Variants in CHGB observed in about 807,000 individuals in gnomAD.
The protein encoded by CHGB is secretogranin-1.
CHGB carries 46 observed loss-of-function variants against 69.9 expected under a neutral mutation model. That is an observed-to-expected ratio of 0.66 (90% CI 0.52 to 0.84). CHGB has a LOEUF of 0.84. CHGB is among the 40% of genes least tolerant of loss of function. CHGB has a pLI of 0.00. For missense variants in CHGB, 796 were observed against 822.2 expected (o/e 0.97, Z 0.39); for synonymous variants, 312 against 298.2 (o/e 1.05, Z -0.48).
intron 3 of CHGB, among the ~76,000 whole-genome samples, chr20:5,918,546 C>G (rs191286810): frequency 6.6e-6 from 1 of 152,104 alleles, no homozygotes; most frequent in Non-Finnish European, 1.5e-5. Context: ...GGCGCAGTGG[C>G]TCACACCTGT....
At chr20:5,921,044 A>G (rs904449411) in intron 3 of CHGB, among the ~76,000 whole-genome samples, 1 of 152,238 alleles carries the variant, frequency 6.6e-6, no homozygotes, top group Admixed American at 6.5e-5. Flanking sequence ...TTCAAATTTT[A>G]TAGTAACCAC....
chr20:5,916,724 C>T lies in CHGB; in HGVS notation c.97-102C>T, dbSNP rs189616410. On this transcript the variant is annotated intron_variant, in intron 2 of 4. Transcript: ENST00000378961. ...TCCGCCCTAAGAATACTGCATCAGC[C>T]CAGGTCACGTAATCAAGTCTTCCTT... 7.0e-5 allele frequency: 71 copies of T among 1,017,560 alleles called. No individual in the cohort carries two copies. The Admixed American group carries it at 1.2e-3, about 17-fold the overall frequency. 63.0% of individuals were successfully genotyped at this position (1,017,560 alleles called of 1,614,324 possible).
chr20:5,918,810 TAAAAAAAAAAAAAAAAAA>T (rs71182109), intron 3 of CHGB, among the ~76,000 whole-genome samples: 638 of 31,536 alleles, frequency 0.02, 22 homozygotes, highest in African/African-American at 0.071. Context: ...AGTCTCTGTC[TAAAAAAAAAAAAAAAAAA>T]AAAAAAAAAA....
In CHGB at chr20:5,920,329, A is replaced by G. The variant is rs533600911; in HGVS notation, c.191-2006A>G. Reference sequence around the variant, plus strand: ...TGTCTGATCAGCTCTATTTCAACCAACTCTCAGAATGACATCAGTATCTGT... The same window carrying G: ...TGTCTGATCAGCTCTATTTCAACCAGCTCTCAGAATGACATCAGTATCTGT... On this transcript the variant is annotated intron_variant, in intron 3 of 4. Coordinates refer to ENST00000378961, the MANE Select transcript of CHGB (RefSeq NM_001819.3). Among the ~76,000 whole-genome samples the G allele has an allele frequency of 1.9e-4, 29 of 152,148 alleles. 1 individual carries two copies. In the South Asian group the frequency reaches 3.7e-3, roughly 20 times the overall value.
intron 1 of CHGB, among the ~76,000 whole-genome samples, chr20:5,912,335 T>C (rs1038274754): frequency 2.0e-5 from 3 of 152,184 alleles, no homozygotes; most frequent in Admixed American, 1.3e-4. Flanking sequence ...CTCAAAGGAA[T>C]TATTTTTTTT....
chr20:5,914,790 G>C (rs1288197320), intron 1 of CHGB: 3 of 152,218 alleles, frequency 2.0e-5, no homozygotes, highest in Admixed American at 1.3e-4. Flanking sequence ...GAGGAACTTG[G>C]GGTCTTCATA....
At chr20:5,924,560 C>T (rs2088538644) in intron 4 of CHGB, among the ~76,000 whole-genome samples, 1 of 152,150 alleles carries the variant, frequency 6.6e-6, no homozygotes, top group Admixed American at 6.5e-5. Flanking sequence ...TACTTGCTTG[C>T]CTATTTAGTT....
Position 5,922,872 on chromosome 20 carries a change from C to A in CHGB, c.728C>A (p.Thr243Lys), listed in dbSNP as rs1352309747. The A allele has an allele frequency of 6.2e-7, 1 of 1,613,720 alleles. No individual in the cohort carries two copies. Among genetic ancestry groups the A allele is most frequent in the Non-Finnish European group, 8.5e-7 (1 of 1,179,850 alleles). ...EKSSQESGEETGSQENHPQES... is the reference protein window; with the variant it reads ...EKSSQESGEEKGSQENHPQES... ...AGTAGCCAGGAGAGTGGAGAGGAGA[C>A]AGGGAGCCAGGAGAATCACCCCCAG... is the stretch of plus-strand genomic sequence containing the variant. The change falls in exon 4 of 5, where the codon ACA becomes AAA. Residue 243 changes from threonine (T) to lysine (K), a missense_variant. Thr to Lys is a moderately conservative substitution (Grantham distance 78). Coordinates refer to ENST00000378961, the MANE Select transcript of CHGB (RefSeq NM_001819.3).
Position 5,911,519 on chromosome 20 carries a change from G to A in CHGB, c.-115G>A, listed in dbSNP as rs1237020913. ...CTGCGCCGGCCGCGCCACACCGCGG[G>A]GACCAGGAGGCACGCTGGTTTTCCG... is the stretch of plus-strand genomic sequence containing the variant. On this transcript the variant is annotated 5_prime_UTR_variant, in exon 1 of 5. Coordinates refer to ENST00000378961, the MANE Select transcript of CHGB (RefSeq NM_001819.3). 2 of 1,133,330 alleles carry A rather than the reference G, an allele frequency of 1.8e-6. No individual in the cohort carries two copies. Among genetic ancestry groups the A allele is most frequent in the Non-Finnish European group, 2.5e-6 (2 of 804,586 alleles). 70.2% of individuals were successfully genotyped at this position (1,133,330 alleles called of 1,614,324 possible). A position where few individuals can be genotyped will look rare whatever the true frequency, so the allele number is the denominator to read the frequency against.
intron 3 of CHGB, among the ~76,000 whole-genome samples, 155 bp from the exon 4 acceptor site, chr20:5,922,180 T>A (rs940224575): frequency 2.0e-5 from 3 of 152,226 alleles, no homozygotes; most frequent in Non-Finnish European, 4.4e-5. Context: ...TCATAGCATT[T>A]ACTTTCAAAA....
rs1568551640 is a variant in CHGB, at chr20:5,922,454, G to A, written c.310G>A (p.Ala104Thr). Reference sequence around the variant, plus strand: ...CCACGAGTCCTCCAGCAGGGGAGAGGCAGGAGCCCCAGGGGAGGAGGACAT... The same window carrying A: ...CCACGAGTCCTCCAGCAGGGGAGAGACAGGAGCCCCAGGGGAGGAGGACAT... ...EAHESSSRGE[A>T]GAPGEEDIQG... The change falls in exon 4 of 5, where the codon GCA becomes ACA. Residue 104 changes from alanine (A) to threonine (T), a missense_variant. Coordinates refer to ENST00000378961, the MANE Select transcript of CHGB (RefSeq NM_001819.3). The A allele has an allele frequency of 3.1e-6, 5 of 1,613,630 alleles. No individual in the cohort carries two copies. Among genetic ancestry groups the A allele is most frequent in the Non-Finnish European group, 3.4e-6 (4 of 1,179,570 alleles).
chr20:5,924,101 G>T lies in CHGB; in HGVS notation c.1956+1G>T, dbSNP rs2088535965. 5.6e-6 allele frequency: 9 copies of T among 1,604,246 alleles called. No homozygotes were observed. The highest frequency in any genetic ancestry group is 1.1e-5 in the South Asian group (1 of 90,078). The stretch of plus-strand genomic sequence containing the variant: ...CCAGACAGTCCTGACAGAGGACGAG[G>T]TATGGTCTAGGGCTTCTGTTTAAAA... On this transcript the variant is annotated splice_donor_variant, in intron 4 of 4. Transcript: ENST00000378961. LOFTEE classifies it high-confidence loss of function.
chr20:5,924,485 C>T (rs1170245683), intron 4 of CHGB, among the ~76,000 whole-genome samples: 2 of 152,156 alleles, frequency 1.3e-5, no homozygotes, highest in Non-Finnish European at 2.9e-5. Flanking sequence ...TGGTATCTTC[C>T]CCTTGGTCCT....
Position 5,916,854 on chromosome 20 carries a change from C to A in CHGB, c.125C>A (p.Ser42Ter). 6.2e-7 allele frequency: 1 copy of A among 1,614,212 alleles called. No homozygotes were observed. Among genetic ancestry groups the A allele is most frequent in the Non-Finnish European group, 8.5e-7 (1 of 1,180,036 alleles). ...ACTCGCTGCATCATTGAGGTCCTCT[C>A]AAATGCCTTGTCGAAGTCCAGCGCT... ...MVTRCIIEVL[S>*]NALSKSSAPP... The change falls in exon 3 of 5, where the codon TCA becomes TAA. Residue 42 changes from serine to a stop codon, truncating the protein, a stop_gained. Coordinates refer to ENST00000378961, the MANE Select transcript of CHGB (RefSeq NM_001819.3). LOFTEE classifies it high-confidence loss of function.
chr20:5,925,044 G>T lies in CHGB; in HGVS notation c.2029G>T (p.Gly677Cys). The T allele has an allele frequency of 6.2e-7, 1 of 1,610,744 alleles. No individual in the cohort carries two copies. The highest frequency in any genetic ancestry group is 1.7e-5 in the Admixed American group (1 of 59,936). ...GATAGCTGAGAAATTCAGCCAAAGG[G>T]GCTGACTGTCATTGGAGCGGTGGGC... ...QKIAEKFSQR[G>C] is the part of the protein sequence containing the mutation. Residue 677 changes from glycine (G) to cysteine (C), a missense_variant, in exon 5 of 5, where the codon GGC (glycine) becomes TGC (cysteine). Transcript: ENST00000378961.
chr20:5,922,798 AAC>A lies in CHGB; in HGVS notation c.658_659del (p.His220CysfsTer11). The A allele has an allele frequency of 6.2e-7, 1 of 1,614,160 alleles. No individual in the cohort carries two copies. The highest frequency in any genetic ancestry group is 8.5e-7 in the Non-Finnish European group (1 of 1,180,028). On this transcript the variant is annotated frameshift_variant, in exon 4 of 5. Coordinates refer to ENST00000378961, the MANE Select transcript of CHGB (RefSeq NM_001819.3). LOFTEE classifies it high-confidence loss of function. ...KKEELVARSE[T>X]HAAGHSQEKT... ...AAGAGGAGTTAGTGGCCAGATCGGA[AAC>A]ACATGCTGCCGGGCATTCTCAGGAG...
In CHGB at chr20:5,911,645, G is replaced by A. The variant is rs746483100; in HGVS notation, c.12G>A (p.Thr4=). 2.6e-6 allele frequency: 4 copies of A among 1,511,252 alleles called. No individual in the cohort carries two copies. The South Asian group carries it at 3.6e-5, about 14-fold the overall frequency. The allele number at this position is 1,511,252 out of a possible 1,614,324, so 93.6% of individuals were successfully genotyped here. A position where few individuals can be genotyped will look rare whatever the true frequency, so the allele number is the denominator to read the frequency against. The change falls in exon 1 of 5, where the codon ACG becomes ACA. Residue 4 remains threonine (T), a synonymous_variant. Coordinates refer to ENST00000378961, the MANE Select transcript of CHGB (RefSeq NM_001819.3). ...CGCCGAGCGGGGCCATGCAGCCAAC[G>A]CTGCTTCTCAGCCTCCTGGGAGCCG... MQP[T]LLLSLLGAVG... is the part of the protein sequence containing the mutation.
intron 1 of CHGB, among the ~76,000 whole-genome samples, chr20:5,914,186 C>G (rs1371515402): frequency 1.3e-5 from 2 of 152,046 alleles, no homozygotes; most frequent in Non-Finnish European, 2.9e-5. Context: ...TTACTGTATG[C>G]AAAAGTAAGT....
rs373999382 is a variant in CHGB at position 5,922,964 on chromosome 20, G to A, written c.820G>A (p.Val274Met). ...AGGTGAGGAAGATGCCACCTCTGAG[G>A]TGGACAAACGACGCACGAGGCCCAG... ...EEGEEDATSE[V>M]DKRRTRPRHH... Residue 274 changes from valine (V) to methionine (M), a missense_variant, in exon 4 of 5, where the codon GTG (valine) becomes ATG (methionine). By Grantham distance (21) the Val-to-Met change is conservative (BLOSUM62 1). Coordinates refer to ENST00000378961, the MANE Select transcript of CHGB (RefSeq NM_001819.3). The A allele has an allele frequency of 1.5e-5, 24 of 1,610,442 alleles. No individual in the cohort carries two copies. In the Middle Eastern group the frequency reaches 8.2e-4, roughly 55 times the overall value.
Sources: allele counts gnomAD v4.1 joint callset (sites outside exome capture counted in the v4.1 genomes callset), GRCh38; gene constraint gnomAD v4.1.1; transcripts MANE v1.5; gene names NCBI Gene and HGNC (gene_info 2026-07-23, HGNC 2026-07-21).